The following NFIB variants were observed in gnomAD, a reference collection of about 807,000 sequenced individuals.
NFIB encodes nuclear factor I B, also known as nuclear factor 1 B-type.
Under a neutral mutation model 61.5 loss-of-function variants are expected in NFIB, and 11 were observed. The observed-to-expected ratio is 0.18, with a 90% CI of 0.11 to 0.30. The LOEUF (loss-of-function observed/expected upper bound fraction) is 0.30, where lower values mean the gene tolerates loss of function less well. Among genes scored for constraint, NFIB ranks in the 10% least tolerant of loss-of-function variants. The pLI is 1.00. For missense variants in NFIB, 471 were observed against 608.9 expected (o/e 0.77, Z 2.38); for synonymous variants, 260 against 216.5 (o/e 1.20, Z -1.76).
chr9:14,530,086 T>C, the NFIB span, among the ~76,000 whole-genome samples: 1 of 152,220 alleles, frequency 6.6e-6, no homozygotes, highest in African/African-American at 2.4e-5. Flanking sequence ...CTTTTTACTT[T>C]TCCCCAACAG....
chr9:14,407,953 C>T, the NFIB span, among the ~76,000 whole-genome samples: 4 of 151,994 alleles, frequency 2.6e-5, no homozygotes, highest in Admixed American at 6.6e-5. Flanking sequence ...TCTCAAAGCC[C>T]GGGGGTTACA....
intron 6 of NFIB, among the ~76,000 whole-genome samples, chr9:14,144,272 C>A (rs985034941): frequency 1.3e-5 from 2 of 152,116 alleles, no homozygotes; most frequent in South Asian, 4.1e-4. Flanking sequence ...CAAAGTGACA[C>A]TCTCTATAAT....
chr9:14,431,627 TG>T, the NFIB span, among the ~76,000 whole-genome samples: 1 of 145,906 alleles, frequency 6.9e-6, no homozygotes, highest in African/African-American at 2.6e-5. Context: ...CACCATTTTT[TG>T]TTTTGTTTTT....
intron 2 of NFIB, among the ~76,000 whole-genome samples, chr9:14,274,144 A>C (rs2057824817): frequency 6.6e-6 from 1 of 151,944 alleles, no homozygotes; most frequent in African/African-American, 2.4e-5. Context: ...ACAGATGCAA[A>C]TTATTTTTCA....
At chr9:14,184,977 C>T (rs1160572774) in intron 2 of NFIB, among the ~76,000 whole-genome samples, 13 of 152,056 alleles carry the variant, frequency 8.5e-5, no homozygotes, top group African/African-American at 2.4e-4. Flanking sequence ...GAGCCAAGAT[C>T]GGCTCATGTA....
At chr9:14,424,814 T>G in the NFIB span, among the ~76,000 whole-genome samples, 1 of 152,112 alleles carries the variant, frequency 6.6e-6, no homozygotes, top group African/African-American at 2.4e-5. Flanking sequence ...GTTTGACATA[T>G]CTGGGGATAA....
chr9:14,085,828 G>A lies in NFIB; in HGVS notation c.*2481C>T, dbSNP rs76231932. On this transcript the variant is annotated 3_prime_UTR_variant, in exon 11 of 11. Transcript: ENST00000380953. ...GAATACGGGAGACTCCCTCCAACAG[G>A]TCTAATGTGTTTTCTAGGAGAAAGA... 0.029 allele frequency: 6,369 copies of A among 221,732 alleles called. 115 individuals are homozygous for A. Among genetic ancestry groups the A allele is most frequent in the Non-Finnish European group, 0.041 (4,534 of 110,750 alleles). 13.7% of individuals were successfully genotyped at this position (221,732 alleles called of 1,614,324 possible). A position where few individuals can be genotyped will look rare whatever the true frequency, so the allele number is the denominator to read the frequency against.
chr9:14,171,293 C>T (rs563492784), intron 3 of NFIB, among the ~76,000 whole-genome samples: 21 of 152,290 alleles, frequency 1.4e-4, no homozygotes, highest in African/African-American at 4.6e-4. Flanking sequence ...GCTCTTTCCT[C>T]GGCTAGGACT....
At chr9:14,396,684 G>A (rs541438847) in intron 1 of NFIB, among the ~76,000 whole-genome samples, 2 of 152,300 alleles carry the variant, frequency 1.3e-5, no homozygotes, top group South Asian at 2.1e-4. Flanking sequence ...AAGTGGAGAC[G>A]AAAGGAGAAA....
intron 2 of NFIB, among the ~76,000 whole-genome samples, chr9:14,200,212 T>C (rs899431312): frequency 3.3e-5 from 5 of 152,212 alleles, no homozygotes; most frequent in Admixed American, 1.3e-4. Flanking sequence ...CCTTAAAATA[T>C]AGTAGTCAAT....
the NFIB span, among the ~76,000 whole-genome samples, chr9:14,525,146 T>C: frequency 6.6e-6 from 1 of 152,162 alleles, no homozygotes; most frequent in Non-Finnish European, 1.5e-5. Flanking sequence ...CAGACACAGC[T>C]CTGGAGCGAG....
chr9:14,282,635 G>A (rs1038042797), intron 2 of NFIB, among the ~76,000 whole-genome samples: 2 of 152,136 alleles, frequency 1.3e-5, no homozygotes, highest in Non-Finnish European at 2.9e-5. Context: ...TTTTTAATGT[G>A]CCTTTCTTAT....
Position 14,307,708 on chromosome 9 carries a change from C to G in NFIB, c.31-188G>C, listed in dbSNP as rs1165702595. ...CAAGAAGAAAGTAAAGTATGCCCAG[C>G]TGTCCCCTTTCCACCAAAATTCACA... On this transcript the variant is annotated intron_variant, in intron 1 of 10. Coordinates refer to ENST00000380953, the MANE Select transcript of NFIB (RefSeq NM_001190737.2). The surrounding 1 kb of genome is among the most constrained non-coding windows in gnomAD (Gnocchi z 5.3). 1.3e-5 allele frequency among the ~76,000 whole-genome samples: 2 copies of G among 152,140 alleles called. No individual in the cohort carries two copies. Among genetic ancestry groups the G allele is most frequent in the African/African-American group, 4.8e-5 (2 of 41,428 alleles).
chr9:14,476,104 A>C, the NFIB span, among the ~76,000 whole-genome samples: 1 of 152,228 alleles, frequency 6.6e-6, no homozygotes, highest in African/African-American at 2.4e-5. Flanking sequence ...AGAAAAGTGA[A>C]ATCAATAGTC....
the NFIB span, among the ~76,000 whole-genome samples, chr9:14,422,415 C>T: frequency 1.3e-5 from 2 of 152,236 alleles, no homozygotes; most frequent in Non-Finnish European, 1.5e-5. Flanking sequence ...TGGTGCTTCT[C>T]TGCCTGCTCT....
upstream of NFIB, among the ~76,000 whole-genome samples, chr9:14,399,387 AG>A (rs1306927198): frequency 6.6e-6 from 1 of 152,220 alleles, no homozygotes; most frequent in East Asian, 1.9e-4. Flanking sequence ...ACATTAACAC[AG>A]GAATTCTAAA....
At chr9:14,146,073 G>T (rs1224434457) in intron 6 of NFIB, among the ~76,000 whole-genome samples, 1 of 152,004 alleles carries the variant, frequency 6.6e-6, no homozygotes, top group African/African-American at 2.4e-5. Context: ...AAATCCAACA[G>T]ACTTTAAGAA....
chr9:14,231,135 AATAT>A lies in NFIB; in HGVS notation c.563-51359_563-51356del, dbSNP rs1554681460. ...TTTCCATGGGGAAAAAAAAAAAAAA[AATAT>A]ATATATATATATATATATATATATA... On this transcript the variant is annotated intron_variant, in intron 2 of 10. Transcript: ENST00000380953. Among the ~76,000 whole-genome samples the A allele has an allele frequency of 1.8e-3, 65 of 35,346 alleles. 1 individual carries two copies. The highest frequency in any genetic ancestry group is 5.8e-3 in the African/African-American group (57 of 9,912). The allele number at this position is 35,346 out of a possible 152,430, so 23.2% of individuals were successfully genotyped here.
chr9:14,495,805 T>A, the NFIB span, among the ~76,000 whole-genome samples: 1 of 152,278 alleles, frequency 6.6e-6, no homozygotes, highest in East Asian at 1.9e-4. Context: ...AACTCCACCA[T>A]TGTTATATTC....
Sources: gnomAD v4.1 joint callset for allele counts (sites outside exome capture counted in the v4.1 genomes callset) on GRCh38, gnomAD v4.1.1 for gene constraint, Gnocchi (gnomAD v3.1) non-coding constraint, MANE v1.5 for transcripts, NCBI Gene and HGNC (gene_info 2026-07-23, HGNC 2026-07-21) for gene names.